Variants in AGO3 observed in about 807,000 individuals in gnomAD.
AGO3 encodes the protein argonaute RISC catalytic component 3, also known as protein argonaute-3.
Under a neutral mutation model 105.5 loss-of-function variants are expected in AGO3, and 16 were observed. The observed-to-expected ratio is 0.15, with a 90% CI of 0.10 to 0.23. AGO3 has a LOEUF of 0.23. Among genes scored for constraint, AGO3 ranks in the 10% least tolerant of loss-of-function variants. The pLI is 1.00. For synonymous variants in AGO3, 340 were observed against 367.3 expected, an observed-to-expected ratio of 0.93 and a Z score of 0.85; for missense variants, 534 against 1,088.0, an observed-to-expected ratio of 0.49 and a Z score of 7.16.
At chr1:36,023,692 T>A (rs1641353811) in intron 11 of AGO3, among the ~76,000 whole-genome samples, 1 of 152,242 alleles carries the variant, frequency 6.6e-6, no homozygotes, top group East Asian at 1.9e-4. Flanking sequence ...TACCATTCAC[T>A]ATGTACAGAG....
chr1:35,954,550 A>G (rs886444175), intron 2 of AGO3, among the ~76,000 whole-genome samples: 2 of 152,228 alleles, frequency 1.3e-5, no homozygotes, highest in Non-Finnish European at 2.9e-5. Context: ...ATACCAAAGT[A>G]CTATGCTATT....
At position 36,036,283 on chromosome 1, in the gene AGO3, G is replaced by A. The variant is rs199741773; in HGVS notation, c.1842+16G>A. 30 of 1,610,818 alleles carry A rather than the reference G, an allele frequency of 1.9e-5. No individual in the cohort carries two copies. Among genetic ancestry groups the A allele is most frequent in the Non-Finnish European group, 2.5e-5 (29 of 1,177,216 alleles). ...TATTGCTGCTGTGAGTGTTAGCCAG[G>A]TTTATCTTACCTAAGGTTGACAGAC... On this transcript the variant is annotated intron_variant, in intron 14 of 18. Transcript: ENST00000373191.
intron 14 of AGO3, 45 bp from the exon 15 acceptor site, chr1:36,039,745 T>C (rs751938053): frequency 1.7e-6 from 2 of 1,156,902 alleles, no homozygotes; most frequent in South Asian, 6.1e-5. Context: ...TGATTATCAT[T>C]TATTTTTATT....
chr1:35,979,873 G>C (rs1333363879), intron 5 of AGO3, among the ~76,000 whole-genome samples: 1 of 151,922 alleles, frequency 6.6e-6, no homozygotes, highest in Non-Finnish European at 1.5e-5. Context: ...TTGTGGGTCA[G>C]TTTAAAGCTT....
At chr1:35,982,586 A>G (rs1452881224) in intron 5 of AGO3, 1 of 715,168 alleles carries the variant, frequency 1.4e-6, no homozygotes, top group Non-Finnish European at 2.6e-6. Flanking sequence ...AAGGTTTTTA[A>G]GAAGGATAGT....
chr1:36,017,313 G>A (rs1402831170), intron 11 of AGO3, among the ~76,000 whole-genome samples: 2 of 152,148 alleles, frequency 1.3e-5, no homozygotes, highest in Admixed American at 6.5e-5. Context: ...TAGAATAAGA[G>A]TCTACTTGTT....
chr1:36,054,518 C>T (rs922418094), intron 17 of AGO3, among the ~76,000 whole-genome samples: 4 of 152,082 alleles, frequency 2.6e-5, no homozygotes, highest in Admixed American at 2.6e-4. Context: ...TCAAGCTACC[C>T]TCCCACTTTA....
At chr1:35,972,983 C>T (rs536697166) in intron 4 of AGO3, among the ~76,000 whole-genome samples, 1 of 150,790 alleles carries the variant, frequency 6.6e-6, no homozygotes, top group East Asian at 2.0e-4. Context: ...AGGTGTGAGC[C>T]CCCACACCTG....
At position 36,061,494 on chromosome 1, in the gene AGO3, A is replaced by G. The variant is rs1254085413; in HGVS notation, c.*5749A>G. 1 of 152,242 alleles carries G rather than the reference A, an allele frequency of 6.6e-6. No individual in the cohort carries two copies. Among genetic ancestry groups the G allele is most frequent in the Non-Finnish European group, 1.5e-5 (1 of 68,044 alleles). The allele number at this position is 152,242 out of a possible 1,614,324, so 9.4% of individuals were successfully genotyped here. A position where few individuals can be genotyped will look rare whatever the true frequency, so the allele number is the denominator to read the frequency against. On this transcript the variant is annotated 3_prime_UTR_variant, in exon 19 of 19. Coordinates refer to ENST00000373191, the MANE Select transcript of AGO3 (RefSeq NM_024852.4). ...GAAGTTAAAGATTTTAATTTGAATT[A>G]AAGATAGAAGGATGGTAAATTCAAT... is the stretch of plus-strand genomic sequence containing the variant.
intron 5 of AGO3, among the ~76,000 whole-genome samples, chr1:36,002,316 C>G (rs1434896746): frequency 1.3e-5 from 2 of 149,112 alleles, no homozygotes; most frequent in African/African-American, 5.0e-5. Context: ...CTGTACCCAG[C>G]CAAGATAATT....
intron 17 of AGO3, among the ~76,000 whole-genome samples, chr1:36,048,330 A>T (rs2148858356): frequency 6.6e-6 from 1 of 152,308 alleles, no homozygotes; most frequent in Middle Eastern, 3.4e-3. Context: ...TCCTATTTCC[A>T]GCAAAGCTAA....
intron 5 of AGO3, among the ~76,000 whole-genome samples, chr1:35,978,451 C>T (rs1178564612): frequency 2.0e-5 from 3 of 152,208 alleles, no homozygotes; most frequent in Non-Finnish European, 4.4e-5. Flanking sequence ...CTCCGCCTTC[C>T]CAAGTGCTGG....
At chr1:36,044,395 TTTGTTG>T (rs201647750) in intron 17 of AGO3, among the ~76,000 whole-genome samples, 2 of 151,884 alleles carry the variant, frequency 1.3e-5, no homozygotes, top group Non-Finnish European at 1.5e-5. Flanking sequence ...TTAGTTTTTT[TTTGTTG>T]TTGTTGTTGT....
At chr1:36,025,333 C>A (rs1038173959) in intron 11 of AGO3, among the ~76,000 whole-genome samples, 1 of 150,736 alleles carries the variant, frequency 6.6e-6, no homozygotes. Flanking sequence ...GTTTTTATCC[C>A]CCTGCTTTCA....
In AGO3 at chr1:36,055,215, C is replaced by T. The variant is rs190296642; in HGVS notation, c.2474+70C>T. The T allele has an allele frequency of 1.3e-4, 197 of 1,487,478 alleles. 4 individuals are homozygous for T. In the East Asian group the frequency reaches 2.5e-3, roughly 19 times the overall value. 92.1% of individuals were successfully genotyped at this position (1,487,478 alleles called of 1,614,324 possible). A position where few individuals can be genotyped will look rare whatever the true frequency, so the allele number is the denominator to read the frequency against. On this transcript the variant is annotated intron_variant, in intron 18 of 18. Transcript: ENST00000373191. This position sits in a 1 kb window ranked among gnomAD's most constrained non-coding sequence, Gnocchi z 4.4. ...TCTGCATGGTAGGATTTTCAAGTTC[C>T]ACAAGCTATTAGCGGAGTCAGTGAT... is the stretch of plus-strand genomic sequence containing the variant.
At chr1:35,985,920 T>TA (rs1221097053) in intron 5 of AGO3, among the ~76,000 whole-genome samples, 1 of 152,210 alleles carries the variant, frequency 6.6e-6, no homozygotes, top group African/African-American at 2.4e-5. Context: ...GAAATGCATA[T>TA]AGCCAGTAAA....
intron 6 of AGO3, chr1:36,005,887 T>G (rs1640311503): frequency 1.0e-6 from 1 of 984,988 alleles, no homozygotes; most frequent in African/African-American, 1.7e-5. Context: ...GTTAAATATT[T>G]ATTAAAGCCA....
chr1:36,022,945 CAAAA>C (rs370799633), intron 11 of AGO3, among the ~76,000 whole-genome samples: 3 of 65,980 alleles, frequency 4.5e-5, no homozygotes, highest in East Asian at 2.8e-4. Flanking sequence ...AAAAAAAAAA[CAAAA>C]AAAAAAGAGA....
At chr1:35,981,817 G>C (rs567553342) in intron 5 of AGO3, among the ~76,000 whole-genome samples, 2 of 151,942 alleles carry the variant, frequency 1.3e-5, no homozygotes, top group Admixed American at 1.3e-4. Flanking sequence ...TGTAGTTCCC[G>C]CTTGGTATAG....
Sources: gnomAD v4.1 joint callset for allele counts (sites outside exome capture counted in the v4.1 genomes callset) on GRCh38, gnomAD v4.1.1 for gene constraint, Gnocchi (gnomAD v3.1) non-coding constraint, MANE v1.5 for transcripts, NCBI Gene and HGNC (gene_info 2026-07-23, HGNC 2026-07-21) for gene names.